STPG2: variants seen among roughly 807,000 people sequenced by gnomAD.
STPG2 encodes the protein sperm-tail PG-rich repeat-containing protein 2.
Under a neutral mutation model 54.2 loss-of-function variants are expected in STPG2, and 56 were observed. That is an observed-to-expected ratio of 1.03 (90% CI 0.83 to 1.29). The LOEUF (loss-of-function observed/expected upper bound fraction) is 1.29, where lower values mean the gene tolerates loss of function less well. STPG2 is among the 50% of genes most tolerant of loss of function. The probability of loss-of-function intolerance (pLI) is 0.00; values close to 1 mark genes in which losing one functional copy is unlikely to be tolerated. For synonymous variants in STPG2, 200 were observed against 181.8 expected, an observed-to-expected ratio of 1.10 and a Z score of -0.81; for missense variants, 596 against 544.9, an observed-to-expected ratio of 1.09 and a Z score of -0.93.
chr4:97,585,508 A>T (rs998493999), intron 10 of STPG2, among the ~76,000 whole-genome samples: 1 of 151,918 alleles, frequency 6.6e-6, no homozygotes, highest in Non-Finnish European at 1.5e-5. Context: ...TGCCCATCTA[A>T]AAAAAACTAA....
intron 9 of STPG2, among the ~76,000 whole-genome samples, chr4:97,746,478 C>T (rs1725424451): frequency 6.6e-6 from 1 of 151,112 alleles, no homozygotes; most frequent in African/African-American, 2.4e-5. Context: ...ACAGAAGGGA[C>T]AAAACTTTTT....
At chr4:97,659,937 C>T (rs995382974) in intron 10 of STPG2, among the ~76,000 whole-genome samples, 25 of 152,110 alleles carry the variant, frequency 1.6e-4, no homozygotes, top group Non-Finnish European at 3.2e-4. Context: ...TTCCTTCCAG[C>T]CTTTGGTCAG....
intron 10 of STPG2, among the ~76,000 whole-genome samples, chr4:97,596,606 A>G (rs1441533290): frequency 6.6e-6 from 1 of 152,234 alleles, no homozygotes; most frequent in Non-Finnish European, 1.5e-5. Flanking sequence ...AGATAGTAAG[A>G]AGATTGCTCA....
At chr4:97,586,002 A>G (rs982324569) in intron 10 of STPG2, among the ~76,000 whole-genome samples, 1 of 152,008 alleles carries the variant, frequency 6.6e-6, no homozygotes, top group Non-Finnish European at 1.5e-5. Context: ...GAAAAGACTG[A>G]TGCCAAACTG....
intron 10 of STPG2, among the ~76,000 whole-genome samples, chr4:97,619,554 C>T (rs527257972): frequency 1.6e-4 from 24 of 150,766 alleles, no homozygotes; most frequent in African/African-American, 5.6e-4. Flanking sequence ...CTCTGGGCAC[C>T]TCTAGGGCCT....
intron 7 of STPG2, among the ~76,000 whole-genome samples, chr4:97,954,037 T>A (rs573823482): frequency 6.6e-6 from 1 of 152,304 alleles, no homozygotes; most frequent in East Asian, 1.9e-4. Flanking sequence ...ACGTTAAAAA[T>A]TTCCAAAACA....
At chr4:97,515,311 T>C (rs928086932) in intron 4 of STPG2, among the ~76,000 whole-genome samples, 1 of 152,060 alleles carries the variant, frequency 6.6e-6, no homozygotes, top group Admixed American at 6.6e-5. Context: ...CAGAAATGTA[T>C]ACCCATTTGG....
intron 10 of STPG2, among the ~76,000 whole-genome samples, chr4:97,680,881 G>A (rs4699317): frequency 0.45 from 67,962 of 151,644 alleles, 16,739 homozygotes; most frequent in South Asian, 0.62. Context: ...TCCCCTCCAA[G>A]ATTATATCCT....
intron 5 of STPG2, among the ~76,000 whole-genome samples, chr4:98,105,262 A>G (rs1008273650): frequency 6.6e-6 from 1 of 152,148 alleles, no homozygotes; most frequent in African/African-American, 2.4e-5. Context: ...ACACTCCTTT[A>G]AATTCGGTTA....
chr4:97,590,232 T>A (rs1733102673), intron 10 of STPG2, among the ~76,000 whole-genome samples: 1 of 152,130 alleles, frequency 6.6e-6, no homozygotes, highest in Admixed American at 6.6e-5. Context: ...CTATGCAACC[T>A]ACCCCCAAGA....
chr4:98,116,056 G>T (rs1739514461), intron 3 of STPG2, among the ~76,000 whole-genome samples: 2 of 151,640 alleles, frequency 1.3e-5, no homozygotes, highest in Non-Finnish European at 3.0e-5. Flanking sequence ...ATTAAATTAG[G>T]CCATCAAATA....
rs866470238 is a variant in STPG2, at chr4:98,018,342, T to C, written c.613-37024A>G. 7.9e-5 allele frequency among the ~76,000 whole-genome samples: 12 copies of C among 152,318 alleles called. No individual in the cohort carries two copies. In the South Asian group the frequency reaches 1.7e-3, roughly 21 times the overall value. ...TTCATCCATGTCCCTACAAAGGACA[T>C]GAACTCATCATTTTTTATGGCTGCA... is the stretch of plus-strand genomic sequence containing the variant. On this transcript the variant is annotated intron_variant, in intron 5 of 10. Coordinates refer to ENST00000295268, the MANE Select transcript of STPG2 (RefSeq NM_174952.3).
intron 8 of STPG2, among the ~76,000 whole-genome samples, chr4:97,912,726 TGAAA>T (rs1731726960): frequency 6.6e-6 from 1 of 152,214 alleles, no homozygotes; most frequent in South Asian, 2.1e-4. Context: ...TTGAGGTGCC[TGAAA>T]GAGACAGAAA....
intron 9 of STPG2, among the ~76,000 whole-genome samples, chr4:97,810,461 TC>T (rs1727701391): frequency 1.2e-5 from 1 of 82,576 alleles, no homozygotes; most frequent in African/African-American, 4.6e-5. Flanking sequence ...AGACTCTGTC[TC>T]AAAAAAAAAA....
At chr4:97,568,764 T>A (rs937160995) in intron 10 of STPG2, among the ~76,000 whole-genome samples, 1 of 152,124 alleles carries the variant, frequency 6.6e-6, no homozygotes, top group Non-Finnish European at 1.5e-5. Context: ...AAAGTGCTAA[T>A]AACAAACAAA....
At chr4:97,640,692 G>T (rs2148944998) in intron 10 of STPG2, among the ~76,000 whole-genome samples, 1 of 149,794 alleles carries the variant, frequency 6.7e-6, no homozygotes, top group Middle Eastern at 3.4e-3. Context: ...AGAACATGAA[G>T]AAGTAAATAT....
intron 5 of STPG2, among the ~76,000 whole-genome samples, chr4:98,069,463 T>C (rs1488246795): frequency 6.6e-6 from 1 of 152,060 alleles, no homozygotes; most frequent in Non-Finnish European, 1.5e-5. Context: ...TAATCAGCAA[T>C]TTTAATTGTC....
At chr4:97,616,092 A>ATATATATATATGTATG (rs764342142) in intron 10 of STPG2, among the ~76,000 whole-genome samples, 1 of 63,292 alleles carries the variant, frequency 1.6e-5, no homozygotes, top group African/African-American at 4.3e-5. Context: ...ATATATATAT[A>ATATATATATATGTATG]TATGTATGTA....
chr4:97,935,085 G>C (rs1247488978), intron 8 of STPG2, among the ~76,000 whole-genome samples: 2 of 152,098 alleles, frequency 1.3e-5, no homozygotes, highest in Non-Finnish European at 2.9e-5. Flanking sequence ...GTAGTATGGT[G>C]TGGTGTATGT....
Sources: gnomAD v4.1 joint callset for allele counts (sites outside exome capture counted in the v4.1 genomes callset) on GRCh38, gnomAD v4.1.1 for gene constraint, MANE v1.5 for transcripts, NCBI Gene and HGNC (gene_info 2026-07-23, HGNC 2026-07-21) for gene names.